The following ANKS1B variants were observed in gnomAD, a reference collection of about 807,000 sequenced individuals.
ANKS1B encodes ankyrin repeat and sterile alpha motif domain-containing protein 1B.
In ANKS1B, 36 loss-of-function variants were observed where a neutral mutation model predicts 148.3. The observed-to-expected ratio is 0.24, with a 90% confidence interval of 0.19 to 0.32. The LOEUF is 0.32. Among genes scored for constraint, ANKS1B ranks in the 10% least tolerant of loss-of-function variants. The probability of loss-of-function intolerance (pLI) is 1.00; values close to 1 mark genes in which losing one functional copy is unlikely to be tolerated. For missense variants in ANKS1B, 1,157 were observed against 1,542.6 expected, an observed-to-expected ratio of 0.75 and a Z score of 4.19; for synonymous variants, 542 against 560.8, an observed-to-expected ratio of 0.97 and a Z score of 0.47.
intron 17 of ANKS1B, among the ~76,000 whole-genome samples, chr12:99,051,182 A>G (rs2099965830): frequency 6.6e-6 from 1 of 152,082 alleles, no homozygotes; most frequent in African/African-American, 2.4e-5. Context: ...GGCACTGGGG[A>G]AAGTGAGTGC....
At chr12:99,586,897 A>C (rs1204790032) in intron 9 of ANKS1B, among the ~76,000 whole-genome samples, 1 of 151,736 alleles carries the variant, frequency 6.6e-6, no homozygotes, top group Non-Finnish European at 1.5e-5. Context: ...TGATTCAATA[A>C]CCTCCCATTG....
At chr12:99,164,670 T>G (rs2077027668) in intron 14 of ANKS1B, among the ~76,000 whole-genome samples, 1 of 152,102 alleles carries the variant, frequency 6.6e-6, no homozygotes, top group South Asian at 2.1e-4. Flanking sequence ...ATGTTTTCCT[T>G]TCTTCGTTCT....
At chr12:99,193,748 T>C (rs912805835) in intron 14 of ANKS1B, among the ~76,000 whole-genome samples, 4 of 149,126 alleles carry the variant, frequency 2.7e-5, no homozygotes, top group Admixed American at 6.7e-5. Flanking sequence ...ACTGAATCTC[T>C]GGGGACCTAG....
At chr12:99,868,811 A>G (rs2091092266) in intron 1 of ANKS1B, among the ~76,000 whole-genome samples, 1 of 152,104 alleles carries the variant, frequency 6.6e-6, no homozygotes, top group South Asian at 2.1e-4. Context: ...TAATCCCAGC[A>G]TTTTGGGAGG....
At chr12:99,847,319 C>T (rs1043343257) in intron 1 of ANKS1B, among the ~76,000 whole-genome samples, 3 of 152,118 alleles carry the variant, frequency 2.0e-5, no homozygotes, top group African/African-American at 7.2e-5. Flanking sequence ...CCCCTTTCTT[C>T]CCCAAGGCAG....
At chr12:98,962,125 C>G (rs1285610473) in intron 17 of ANKS1B, among the ~76,000 whole-genome samples, 7 of 150,182 alleles carry the variant, frequency 4.7e-5, no homozygotes. Context: ...AATCAAAAGA[C>G]AGAGAGTGGC....
chr12:99,174,200 C>T (rs773483061), intron 14 of ANKS1B, among the ~76,000 whole-genome samples: 1 of 152,160 alleles, frequency 6.6e-6, no homozygotes, highest in Non-Finnish European at 1.5e-5. Context: ...GGCCCTCAGT[C>T]CAACAGATCA....
chr12:99,362,085 T>C (rs17029256), intron 12 of ANKS1B, among the ~76,000 whole-genome samples: 5,942 of 152,092 alleles, frequency 0.039, 356 homozygotes, highest in African/African-American at 0.13. Context: ...GTAGACAATA[T>C]CCTAACACAT....
At chr12:99,886,631 G>C (rs1233496436) in intron 1 of ANKS1B, among the ~76,000 whole-genome samples, 1 of 152,064 alleles carries the variant, frequency 6.6e-6, no homozygotes, top group Non-Finnish European at 1.5e-5. Context: ...AATAGATTAT[G>C]CCTTGGTTGA....
chr12:99,311,639 G>T (rs2083187299), intron 12 of ANKS1B, among the ~76,000 whole-genome samples: 1 of 152,098 alleles, frequency 6.6e-6, no homozygotes, highest in Non-Finnish European at 1.5e-5. Context: ...TGCCCAGGAA[G>T]CTGGATTAAT....
At chr12:99,754,107 G>T (rs964589507) in intron 8 of ANKS1B, among the ~76,000 whole-genome samples, 1 of 151,970 alleles carries the variant, frequency 6.6e-6, no homozygotes, top group African/African-American at 2.4e-5. Context: ...GTTTGCAAGA[G>T]ACTCATCTCA....
intron 17 of ANKS1B, among the ~76,000 whole-genome samples, chr12:98,942,956 T>C (rs538227271): frequency 1.3e-5 from 2 of 152,264 alleles, no homozygotes; most frequent in African/African-American, 4.8e-5. Flanking sequence ...ACAAGAATAG[T>C]GAGGAGTTCA....
intron 2 of ANKS1B, among the ~76,000 whole-genome samples, chr12:99,822,037 C>G (rs1475739648): frequency 6.6e-6 from 1 of 151,842 alleles, no homozygotes; most frequent in East Asian, 1.9e-4. Flanking sequence ...TTCTAAAAAT[C>G]TAAATAATGA....
chr12:98,935,693 A>C (rs2099818032), intron 17 of ANKS1B, among the ~76,000 whole-genome samples: 1 of 152,198 alleles, frequency 6.6e-6, no homozygotes, highest in African/African-American at 2.4e-5. Context: ...GTTCTGTGAA[A>C]GTTTGTGAAT....
intron 17 of ANKS1B, among the ~76,000 whole-genome samples, chr12:99,016,639 G>C (rs1307931075): frequency 6.6e-6 from 1 of 152,168 alleles, no homozygotes; most frequent in African/African-American, 2.4e-5. Flanking sequence ...CTGGGTGACA[G>C]AGTGAGGCTT....
intron 18 of ANKS1B, among the ~76,000 whole-genome samples, chr12:98,830,306 A>G (rs1464767834): frequency 6.6e-6 from 1 of 151,238 alleles, no homozygotes; most frequent in African/African-American, 2.4e-5. Flanking sequence ...TGAAATTTCT[A>G]TTTGTACTTT....
At chr12:98,934,515 A>AACTT (rs1230755852) in intron 17 of ANKS1B, among the ~76,000 whole-genome samples, 31 of 152,184 alleles carry the variant, frequency 2.0e-4, no homozygotes, top group African/African-American at 6.3e-4. Context: ...ATGCCATTGG[A>AACTT]ACTTTGATAG....
intron 22 of ANKS1B, among the ~76,000 whole-genome samples, chr12:98,782,430 C>T (rs2098746835): frequency 6.6e-6 from 1 of 152,192 alleles, no homozygotes; most frequent in South Asian, 2.1e-4. Flanking sequence ...GAGCTTTCAA[C>T]AACTAGTTGT....
intron 17 of ANKS1B, chr12:98,956,455 G>A (rs1035489355): frequency 6.6e-6 from 1 of 152,104 alleles, no homozygotes; most frequent in Non-Finnish European, 1.5e-5. Context: ...CATTTCCAAA[G>A]GCTTTCTTCT....
Sources: allele counts gnomAD v4.1 joint callset (sites outside exome capture counted in the v4.1 genomes callset), GRCh38; gene constraint gnomAD v4.1.1; transcripts MANE v1.5; gene names NCBI Gene and HGNC (gene_info 2026-07-23, HGNC 2026-07-21).